Variants in VPS13A observed in about 807,000 individuals in gnomAD.
VPS13A encodes the protein vacuolar protein sorting 13 homolog A, also known as intermembrane lipid transfer protein VPS13A.
VPS13A carries 264 observed loss-of-function variants against 390.9 expected under a neutral mutation model. The observed-to-expected ratio is 0.68, with a 90% CI of 0.61 to 0.75. VPS13A has a LOEUF of 0.75. Ranked by LOEUF, VPS13A falls within the 30% of genes least tolerant of loss-of-function variation. The pLI is 0.00. For missense variants in VPS13A, 3,409 were observed against 3,733.9 expected, an observed-to-expected ratio of 0.91 and a Z score of 2.27; for synonymous variants, 1,231 against 1,227.1, an observed-to-expected ratio of 1.00 and a Z score of -0.07.
intron 45 of VPS13A, among the ~76,000 whole-genome samples, chr9:77,329,604 A>G (rs1460178796): frequency 2.6e-5 from 4 of 152,226 alleles, no homozygotes; most frequent in Non-Finnish European, 5.9e-5. Context: ...AGTTAAAATG[A>G]AAAGATTGAA....
chr9:77,295,806 G>A lies in VPS13A; in HGVS notation c.3772G>A (p.Asp1258Asn), dbSNP rs1827958577. 6.2e-7 allele frequency: 1 copy of A among 1,613,796 alleles called. No homozygotes were observed. The highest frequency in any genetic ancestry group is 1.3e-5 in the African/African-American group (1 of 74,900). Residue 1258 changes from aspartate (D) to asparagine (N), a missense_variant, in exon 33 of 72, where the codon GAT becomes AAT. This residue lies in a region of VPS13A where 2,717 missense variants were observed against 2,917.4 expected (regional missense o/e 0.93). Transcript: ENST00000360280. ...CCAGAGCTCTCCCCCACCTGTTATT[G>A]ATTTGATAACAATAAAGCTGAGTGA... ...ESQSSPPPVI[D>N]LITIKLSEMR... is the part of the protein sequence containing the mutation.
intron 71 of VPS13A, among the ~76,000 whole-genome samples, chr9:77,413,435 C>T (rs1236948073): frequency 2.6e-5 from 4 of 151,974 alleles, no homozygotes; most frequent in East Asian, 1.9e-4. Flanking sequence ...GAAATAACGC[C>T]GCATATCTAC....
At chr9:77,260,051 C>T in intron 22 of VPS13A, 35 bp from the exon 23 acceptor site, 8 of 1,302,708 alleles carry the variant, frequency 6.1e-6, no homozygotes, top group Non-Finnish European at 8.6e-6. Flanking sequence ...AGAATAATTC[C>T]TTTATAATTA....
At chr9:77,266,669 G>A (rs1400690806) in intron 23 of VPS13A, among the ~76,000 whole-genome samples, 3 of 152,066 alleles carry the variant, frequency 2.0e-5, no homozygotes, top group African/African-American at 7.2e-5. Context: ...GAATGTCTTA[G>A]TAGTGTTCTC....
In VPS13A at chr9:77,377,060, G is replaced by A. The variant is rs188878558; in HGVS notation, c.9078-4916G>A. ...TTTGGGGAGTGTAGCCATCTTAACA[G>A]TATTATCTTTTAACCTGTGAAAATG... On this transcript the variant is annotated intron_variant, in intron 67 of 71. Transcript: ENST00000360280. Among the ~76,000 whole-genome samples the A allele has an allele frequency of 1.3e-4, 20 of 152,198 alleles. No homozygotes were observed. In the East Asian group the frequency reaches 3.3e-3, roughly 25 times the overall value.
chr9:77,213,405 A>G (rs962511460), intron 9 of VPS13A, 91 bp downstream of exon 9: 5 of 1,067,508 alleles, frequency 4.7e-6, no homozygotes, highest in Non-Finnish European at 7.1e-6. Flanking sequence ...TGTAGTCAGT[A>G]TTTTTTCCTA....
chr9:77,189,575 G>A (rs1824551808), intron 1 of VPS13A, among the ~76,000 whole-genome samples: 1 of 152,054 alleles, frequency 6.6e-6, no homozygotes, highest in African/African-American at 2.4e-5. Context: ...GGTTGCTTTG[G>A]CTATTCAGGC....
intron 31 of VPS13A, among the ~76,000 whole-genome samples, chr9:77,287,254 C>G (rs943431821): frequency 1.3e-5 from 2 of 150,616 alleles, no homozygotes; most frequent in African/African-American, 4.9e-5. Context: ...CTCTCTGTCT[C>G]CAATCACACA....
intron 63 of VPS13A, among the ~76,000 whole-genome samples, chr9:77,369,972 A>G (rs954546845): frequency 1.3e-5 from 2 of 152,182 alleles, no homozygotes; most frequent in African/African-American, 4.8e-5. Flanking sequence ...CTGTGCTTGC[A>G]TTTTGCTCAT....
At position 77,238,395 on chromosome 9, in the gene VPS13A, C is replaced by T. The variant is rs773690202; in HGVS notation, c.1900+9C>T. 2.3e-5 allele frequency: 36 copies of T among 1,587,668 alleles called. No homozygotes were observed. Among genetic ancestry groups the T allele is most frequent in the Non-Finnish European group, 3.0e-5 (35 of 1,156,234 alleles). ...CAGTAAGACAGCAACAGGTAAATGC[C>T]AATATTAATGTTGGTGAATTAAATA... On this transcript the variant is annotated intron_variant, in intron 19 of 71. Coordinates refer to ENST00000360280, the MANE Select transcript of VPS13A (RefSeq NM_033305.3).
intron 71 of VPS13A, among the ~76,000 whole-genome samples, chr9:77,410,931 A>C (rs1834888927): frequency 6.6e-6 from 1 of 152,238 alleles, no homozygotes; most frequent in Non-Finnish European, 1.5e-5. Context: ...CTCTGCACCA[A>C]GCAGACCTAA....
chr9:77,206,003 A>C lies in VPS13A; in HGVS notation c.309A>C (p.Glu103Asp). 6.3e-7 allele frequency: 1 copy of C among 1,579,684 alleles called. No homozygotes were observed. Residue 103 changes from glutamate to aspartate, a missense_variant, in exon 5 of 72, where the codon GAA (glutamate) becomes GAC (aspartate). Physicochemically the swap from Glu to Asp is conservative, Grantham distance 45 (BLOSUM62 2). Around this residue, in one of 5 missense-constraint regions of VPS13A, gnomAD observed 2,717 missense variants for 2,917.4 expected, o/e 0.93. Coordinates refer to ENST00000360280, the MANE Select transcript of VPS13A (RefSeq NM_033305.3). ...SSRIKYDPLK[E>D]EKQLMEAKQQ... ...GAATAAAATATGATCCTTTAAAAGA[A>C]GAGAAACAACTCATGGAAGCAAAGC...
chr9:77,218,118 T>TC (rs1488770830), intron 10 of VPS13A, among the ~76,000 whole-genome samples: 3 of 147,456 alleles, frequency 2.0e-5, no homozygotes, highest in Non-Finnish European at 3.0e-5. Flanking sequence ...CCCACTTTTT[T>TC]TTTTTTTTTT....
chr9:77,385,109 A>C, intron 68 of VPS13A: 1 of 981,492 alleles, frequency 1.0e-6, no homozygotes, highest in Non-Finnish European at 1.2e-6. Flanking sequence ...AAATAGTAAT[A>C]GCCATTTAAT....
chr9:77,336,837 C>T (rs1452725272), intron 46 of VPS13A, among the ~76,000 whole-genome samples: 1 of 140,792 alleles, frequency 7.1e-6, no homozygotes, highest in African/African-American at 2.7e-5. Context: ...GGCTCTGTCG[C>T]CCAGGCTGGA....
At chr9:77,295,505 T>C (rs1827934319) in intron 32 of VPS13A, 37 bp from the exon 33 acceptor site, 1 of 1,503,212 alleles carries the variant, frequency 6.7e-7, no homozygotes, top group African/African-American at 1.4e-5. Context: ...GTCGTATTTA[T>C]TAATAACCTT....
At chr9:77,179,789 A>G (rs1307025240) in intron 1 of VPS13A, among the ~76,000 whole-genome samples, 2 of 151,222 alleles carry the variant, frequency 1.3e-5, no homozygotes, top group Non-Finnish European at 2.9e-5. Context: ...TTGTACAACC[A>G]TCACCACTCT....
At position 77,365,271 on chromosome 9, in the gene VPS13A, G is replaced by C. The variant is rs191325850; in HGVS notation, c.8212-189G>C. On this transcript the variant is annotated intron_variant, in intron 59 of 71. Coordinates refer to ENST00000360280, the MANE Select transcript of VPS13A (RefSeq NM_033305.3). The stretch of plus-strand genomic sequence containing the variant: ...TTTGGATAGAAATATAGAAGATAAT[G>C]CTTGTTGGTTTGTCAGTGGCAGACA... Among the ~76,000 whole-genome samples the C allele has an allele frequency of 1.8e-4, 28 of 152,268 alleles. No homozygotes were observed. In the East Asian group the frequency reaches 4.8e-3, roughly 26 times the overall value.
rs556754929 is a variant in VPS13A, at chr9:77,418,094, A to C, written c.*2088A>C. ...TTTTTAGCATCACATTTTACAATTT[A>C]CAGTTTTTGTTTGATTCTGTAGCCC... On this transcript the variant is annotated 3_prime_UTR_variant, in exon 72 of 72. Transcript: ENST00000360280. 6.6e-6 allele frequency: 1 copy of C among 152,352 alleles called. No homozygotes were observed. Among genetic ancestry groups the C allele is most frequent in the African/African-American group, 2.4e-5 (1 of 41,578 alleles). 9.4% of individuals were successfully genotyped at this position (152,352 alleles called of 1,614,324 possible). A position where few individuals can be genotyped will look rare whatever the true frequency, so the allele number is the denominator to read the frequency against.
Sources: allele counts gnomAD v4.1 joint callset (sites outside exome capture counted in the v4.1 genomes callset), GRCh38; gene constraint gnomAD v4.1.1; regional missense constraint gnomAD v4.1.1; transcripts MANE v1.5; gene names NCBI Gene and HGNC (gene_info 2026-07-23, HGNC 2026-07-21).